DNAJC1: variants seen among roughly 807,000 people sequenced by gnomAD.
The protein encoded by DNAJC1 is DnaJ heat shock protein family (Hsp40) member C1.
Under a neutral mutation model 76.6 loss-of-function variants are expected in DNAJC1, and 58 were observed. The observed-to-expected ratio is 0.76, with a 90% CI of 0.61 to 0.94. The LOEUF is 0.94. Among genes scored for constraint, DNAJC1 ranks in the 40% least tolerant of loss-of-function variants. DNAJC1 has a pLI of 0.00. For missense variants in DNAJC1, 689 were observed against 677.3 expected (o/e 1.02, Z -0.19); for synonymous variants, 258 against 267.9 (o/e 0.96, Z 0.36).
intron 9 of DNAJC1, among the ~76,000 whole-genome samples, chr10:21,791,801 T>C (rs1245849360): frequency 6.6e-6 from 1 of 152,006 alleles, no homozygotes; most frequent in Non-Finnish European, 1.5e-5. Flanking sequence ...AATAACCTAA[T>C]GATGCATTTC....
intron 9 of DNAJC1, among the ~76,000 whole-genome samples, chr10:21,805,041 A>C (rs1194182950): frequency 6.6e-6 from 1 of 152,098 alleles, no homozygotes; most frequent in Non-Finnish European, 1.5e-5. Flanking sequence ...CAGCATTTAT[A>C]AGCTCCTTTT....
rs1284807303 is a variant in DNAJC1 at position 21,786,451 on chromosome 10, TATATATATATATAGAG to T, written c.1098+19513_1098+19528del. ...GAATATATATATATATATATATATA[TATATATATATATAGAG>T]AGAGAGAGAGAGAGAGAGAGAGAGA... On this transcript the variant is annotated intron_variant, in intron 9 of 11. Transcript: ENST00000376980. 2.3e-3 allele frequency among the ~76,000 whole-genome samples: 217 copies of T among 95,658 alleles called. 1 individual carries two copies. The highest frequency in any genetic ancestry group is 3.0e-3 in the African/African-American group (72 of 24,066). The allele number at this position is 95,658 out of a possible 152,430, so 62.8% of individuals were successfully genotyped here. A position where few individuals can be genotyped will look rare whatever the true frequency, so the allele number is the denominator to read the frequency against.
intron 1 of DNAJC1, among the ~76,000 whole-genome samples, chr10:21,961,577 G>C (rs910560726): frequency 6.6e-6 from 1 of 152,160 alleles, no homozygotes; most frequent in Non-Finnish European, 1.5e-5. Context: ...TGGTGTGGGG[G>C]AAGGGGAAAA....
chr10:21,813,758 T>C (rs1835029736), intron 8 of DNAJC1, among the ~76,000 whole-genome samples: 1 of 152,164 alleles, frequency 6.6e-6, no homozygotes, highest in Non-Finnish European at 1.5e-5. Context: ...GCCATGTTTA[T>C]TGCCTGTTGT....
At chr10:21,889,061 T>C (rs898034480) in intron 7 of DNAJC1, among the ~76,000 whole-genome samples, 3 of 152,142 alleles carry the variant, frequency 2.0e-5, no homozygotes, top group African/African-American at 7.2e-5. Flanking sequence ...GGGTAACTGA[T>C]AAAGAAAAGA....
intron 8 of DNAJC1, among the ~76,000 whole-genome samples, chr10:21,858,630 C>G (rs1156714432): frequency 1.3e-5 from 2 of 152,138 alleles, no homozygotes; most frequent in African/African-American, 4.8e-5. Flanking sequence ...CTGACAAGGG[C>G]ACAGCCCATG....
intron 8 of DNAJC1, among the ~76,000 whole-genome samples, chr10:21,850,668 ATT>A (rs1835737660): frequency 6.6e-6 from 1 of 152,118 alleles, no homozygotes; most frequent in Admixed American, 6.5e-5. Context: ...GAAACAAAAA[ATT>A]CCATGCTAAA....
chr10:21,791,279 T>C (rs1046907729), intron 9 of DNAJC1, among the ~76,000 whole-genome samples: 13 of 152,142 alleles, frequency 8.5e-5, no homozygotes, highest in African/African-American at 3.1e-4. Flanking sequence ...TAGACTCCAA[T>C]ACAACAACAG....
intron 6 of DNAJC1, among the ~76,000 whole-genome samples, chr10:21,916,844 T>C (rs1302681516): frequency 2.0e-5 from 3 of 152,290 alleles, no homozygotes; most frequent in Admixed American, 6.5e-5. Context: ...TATTATAATA[T>C]ATATTTGAAA....
chr10:21,813,226 A>C (rs1239442643), intron 8 of DNAJC1, among the ~76,000 whole-genome samples: 86 of 118,714 alleles, frequency 7.2e-4, no homozygotes, highest in East Asian at 5.3e-3. Context: ...CTCTCTATAT[A>C]TATATATATA....
At chr10:21,863,985 T>C (rs572623350) in intron 8 of DNAJC1, among the ~76,000 whole-genome samples, 1 of 151,464 alleles carries the variant, frequency 6.6e-6, no homozygotes, top group South Asian at 2.1e-4. Flanking sequence ...GGTGGATCAC[T>C]TGAGCCCAGG....
At chr10:21,999,850 T>C (rs1590087276) in intron 1 of DNAJC1, among the ~76,000 whole-genome samples, 1 of 152,194 alleles carries the variant, frequency 6.6e-6, no homozygotes, top group Non-Finnish European at 1.5e-5. Context: ...CATCCAGTTT[T>C]GTGGCTTCAA....
intron 8 of DNAJC1, among the ~76,000 whole-genome samples, chr10:21,855,927 G>A (rs1444401559): frequency 2.6e-5 from 4 of 152,112 alleles, no homozygotes; most frequent in African/African-American, 9.7e-5. Context: ...TAATATAACA[G>A]ATGACTTCAT....
intron 10 of DNAJC1, among the ~76,000 whole-genome samples, chr10:21,764,099 C>T (rs777009175): frequency 6.6e-6 from 1 of 151,886 alleles, no homozygotes; most frequent in Non-Finnish European, 1.5e-5. Context: ...ACCACAACTT[C>T]AGAACAATAA....
At chr10:21,982,203 G>C (rs911356769) in intron 1 of DNAJC1, among the ~76,000 whole-genome samples, 29 of 152,076 alleles carry the variant, frequency 1.9e-4, no homozygotes, top group Non-Finnish European at 7.4e-5. Context: ...TTTAACTACT[G>C]TCAGGCTCTA....
At chr10:21,822,662 A>G (rs1355489669) in intron 8 of DNAJC1, among the ~76,000 whole-genome samples, 1 of 152,070 alleles carries the variant, frequency 6.6e-6, no homozygotes, top group Non-Finnish European at 1.5e-5. Context: ...TAGAAATACA[A>G]GTGTTAAATT....
At position 21,776,209 on chromosome 10, in the gene DNAJC1, C is replaced by T. The variant is rs146899867; in HGVS notation, c.1099-9900G>A. Reference sequence around the variant, plus strand: ...CAAAATGAAAACTATAGTTCACAGGCCAGAGCTAGGATCAGTCAACAGTTA... The same window carrying T: ...CAAAATGAAAACTATAGTTCACAGGTCAGAGCTAGGATCAGTCAACAGTTA... On this transcript the variant is annotated intron_variant, in intron 9 of 11. Transcript: ENST00000376980. Among the ~76,000 whole-genome samples the T allele has an allele frequency of 1.8e-3, 281 of 152,180 alleles. 2 individuals carry two copies. In the South Asian group the frequency reaches 0.024, roughly 13 times the overall value.
intron 1 of DNAJC1, among the ~76,000 whole-genome samples, chr10:21,930,657 T>C (rs762963786): frequency 1.3e-5 from 2 of 152,170 alleles, no homozygotes; most frequent in Non-Finnish European, 2.9e-5. Context: ...TGAGGAGCTA[T>C]AAAAATTAAC....
At chr10:21,960,548 C>CA (rs1328848963) in intron 1 of DNAJC1, among the ~76,000 whole-genome samples, 4 of 151,934 alleles carry the variant, frequency 2.6e-5, no homozygotes, top group Non-Finnish European at 5.9e-5. Flanking sequence ...CTTGTCCCGA[C>CA]AAAAAAATTA....
Sources: gnomAD v4.1 joint callset for allele counts (sites outside exome capture counted in the v4.1 genomes callset) on GRCh38, gnomAD v4.1.1 for gene constraint, MANE v1.5 for transcripts, NCBI Gene and HGNC (gene_info 2026-07-23, HGNC 2026-07-21) for gene names.